Variants in GABRB1 observed in about 807,000 individuals in gnomAD.
The protein encoded by GABRB1 is gamma-aminobutyric acid type A receptor subunit beta1, also known as gamma-aminobutyric acid receptor subunit beta-1.
In GABRB1, 17 loss-of-function variants were observed where a neutral mutation model predicts 51.6. The observed-to-expected ratio is 0.33, with a 90% CI of 0.23 to 0.49. The LOEUF is 0.49. Ranked by LOEUF, GABRB1 falls within the 20% of genes least tolerant of loss-of-function variation. The pLI, the probability that GABRB1 is intolerant of heterozygous loss-of-function variation, is 0.99. For synonymous variants in GABRB1, 247 were observed against 218.9 expected (o/e 1.13, Z -1.14); for missense variants, 410 against 600.6 (o/e 0.68, Z 3.32).
intron 1 of GABRB1, among the ~76,000 whole-genome samples, chr4:47,002,344 G>A (rs573736000): frequency 6.6e-6 from 1 of 152,190 alleles, no homozygotes; most frequent in East Asian, 1.9e-4. Flanking sequence ...AATGTGTTGT[G>A]TATTTTATGC....
At chr4:47,027,039 CAA>C (rs1725123412), upstream of GABRB1, among the ~76,000 whole-genome samples, 1 of 151,500 alleles carries the variant, frequency 6.6e-6, no homozygotes, top group Non-Finnish European at 1.5e-5. Flanking sequence ...CTAGATATGT[CAA>C]GTGTTTAAAA....
At chr4:47,098,139 G>A (rs556343411) in intron 3 of GABRB1, among the ~76,000 whole-genome samples, 3 of 143,658 alleles carry the variant, frequency 2.1e-5, no homozygotes, top group South Asian at 2.3e-4. Context: ...CTGGAAAGTA[G>A]TTTTTAGTAC....
At chr4:47,294,287 C>T (rs1723873632) in intron 4 of GABRB1, among the ~76,000 whole-genome samples, 1 of 152,194 alleles carries the variant, frequency 6.6e-6, no homozygotes, top group Admixed American at 6.5e-5. Flanking sequence ...TGTGCCCGAG[C>T]TGAAGCAGGG....
chr4:47,209,063 G>T (rs1478270312), intron 4 of GABRB1, among the ~76,000 whole-genome samples: 1 of 152,096 alleles, frequency 6.6e-6, no homozygotes, highest in Admixed American at 6.6e-5. Flanking sequence ...AACTGTAGCT[G>T]AAATGTATTT....
At chr4:47,402,795 AT>A (rs1284672158) in intron 5 of GABRB1, among the ~76,000 whole-genome samples, 1 of 152,262 alleles carries the variant, frequency 6.6e-6, no homozygotes, top group Non-Finnish European at 1.5e-5. Flanking sequence ...AAGGATATTA[AT>A]AAAAGCTTGC....
At chr4:47,154,256 T>G (rs1218707897) in intron 3 of GABRB1, among the ~76,000 whole-genome samples, 1 of 61,634 alleles carries the variant, frequency 1.6e-5, no homozygotes, top group Non-Finnish European at 3.3e-5. Flanking sequence ...AAATTATGGT[T>G]GTTTTTTTTT....
intron 7 of GABRB1, among the ~76,000 whole-genome samples, chr4:47,403,973 A>G (rs1479414572): frequency 6.6e-6 from 1 of 152,180 alleles, no homozygotes; most frequent in Non-Finnish European, 1.5e-5. Flanking sequence ...CATGGAATAT[A>G]TTTTTAAATT....
In GABRB1 at chr4:47,164,754, T is replaced by C. The variant is rs373953951; in HGVS notation, c.461+3285T>C. Among the ~76,000 whole-genome samples, 61 of 152,248 alleles carry C rather than the reference T, an allele frequency of 4.0e-4. 1 individual carries two copies. Among genetic ancestry groups the C allele is most frequent in the African/African-American group, 1.5e-3 (61 of 41,572 alleles). On this transcript the variant is annotated intron_variant, in intron 4 of 8. Transcript: ENST00000295454. The stretch of plus-strand genomic sequence containing the variant: ...GTCAGTTGTCTATTTTTGTGAACTA[T>C]GTCAATTCATATTTTTCACCAAAGG...
intron 1 of GABRB1, among the ~76,000 whole-genome samples, chr4:47,025,399 A>G (rs1289837754): frequency 6.6e-6 from 1 of 151,794 alleles, no homozygotes; most frequent in African/African-American, 2.4e-5. Flanking sequence ...ATCCATGCCA[A>G]TATCTATTAT....
chr4:47,134,726 G>T (rs1577939267), intron 3 of GABRB1, among the ~76,000 whole-genome samples: 1 of 152,102 alleles, frequency 6.6e-6, no homozygotes, highest in Non-Finnish European at 1.5e-5. Flanking sequence ...TTTTCTAAAT[G>T]TATAGTACAG....
At chr4:47,001,597 G>T (rs1724220571) in intron 1 of GABRB1, among the ~76,000 whole-genome samples, 2 of 152,200 alleles carry the variant, frequency 1.3e-5, no homozygotes, top group South Asian at 4.1e-4. Context: ...CCTCCCAGAA[G>T]AGGGAATTCT....
intron 4 of GABRB1, among the ~76,000 whole-genome samples, chr4:47,295,902 C>A (rs559388452): frequency 7.9e-5 from 12 of 152,130 alleles, no homozygotes; most frequent in African/African-American, 2.9e-4. Flanking sequence ...AGACTAACAG[C>A]GGATCTCTTG....
At chr4:47,010,506 T>C (rs1257962611) in intron 1 of GABRB1, among the ~76,000 whole-genome samples, 2 of 152,254 alleles carry the variant, frequency 1.3e-5, no homozygotes, top group Admixed American at 1.3e-4. Context: ...ATGATTGTGT[T>C]GCACACTAAT....
intron 4 of GABRB1, among the ~76,000 whole-genome samples, chr4:47,294,949 C>G (rs377160189): frequency 6.6e-6 from 1 of 152,154 alleles, no homozygotes; most frequent in Admixed American, 6.5e-5. Context: ...TCGTGGTTCA[C>G]GAAAATCCGC....
chr4:47,188,524 A>T (rs1326992458), intron 4 of GABRB1, among the ~76,000 whole-genome samples: 1 of 151,970 alleles, frequency 6.6e-6, no homozygotes, highest in African/African-American at 2.4e-5. Context: ...CCCCTCTGGA[A>T]ATTCTTATAT....
At chr4:47,066,479 AT>A (rs1727088058) in intron 3 of GABRB1, among the ~76,000 whole-genome samples, 1 of 152,178 alleles carries the variant, frequency 6.6e-6, no homozygotes, top group African/African-American at 2.4e-5. Context: ...TGGAGTTAAT[AT>A]TTTCAAACCC....
At chr4:47,404,041 A>C (rs1334021572) in intron 7 of GABRB1, among the ~76,000 whole-genome samples, 1 of 152,192 alleles carries the variant, frequency 6.6e-6, no homozygotes, top group Admixed American at 6.5e-5. Flanking sequence ...GCCTGCTTTT[A>C]ACAGTGAAGA....
At chr4:47,039,394 T>A (rs1045604310) in intron 3 of GABRB1, among the ~76,000 whole-genome samples, 26 of 147,752 alleles carry the variant, frequency 1.8e-4, no homozygotes, top group African/African-American at 6.0e-4. Flanking sequence ...CTAGATATGG[T>A]CTCTGTTCTT....
Position 47,341,683 on chromosome 4 carries a change from T to A in GABRB1, c.544+21474T>A, listed in dbSNP as rs16860126. On this transcript the variant is annotated intron_variant, in intron 5 of 8. Transcript: ENST00000295454. ...AAAACTCTGACCTTCTAATCATTTT[T>A]TTTCGCACTTGTAATTGTTTTTCTG... 7.4e-3 allele frequency among the ~76,000 whole-genome samples: 1,129 copies of A among 152,314 alleles called. 15 individuals are homozygous for A. The highest frequency in any genetic ancestry group is 0.026 in the African/African-American group (1,066 of 41,576).
Sources: allele counts gnomAD v4.1 joint callset (sites outside exome capture counted in the v4.1 genomes callset), GRCh38; gene constraint gnomAD v4.1.1; transcripts MANE v1.5; gene names NCBI Gene and HGNC (gene_info 2026-07-23, HGNC 2026-07-21).